RUSC2: variants seen among roughly 807,000 people sequenced by gnomAD.
RUSC2 encodes AP-4 complex accessory subunit RUSC2.
In RUSC2, 34 loss-of-function variants were observed where a neutral mutation model predicts 122.2. That is an observed-to-expected ratio of 0.28 (90% confidence interval 0.21 to 0.37). The LOEUF (loss-of-function observed/expected upper bound fraction) is 0.37, where lower values mean the gene tolerates loss of function less well. Among genes scored for constraint, RUSC2 ranks in the 10% least tolerant of loss-of-function variants. The probability of loss-of-function intolerance (pLI) is 1.00; values close to 1 mark genes in which losing one functional copy is unlikely to be tolerated. For missense variants in RUSC2, 1,747 were observed against 1,952.4 expected (o/e 0.89, Z 1.98); for synonymous variants, 784 against 790.0 (o/e 0.99, Z 0.13).
intron 1 of RUSC2, among the ~76,000 whole-genome samples, chr9:35,527,558 C>T (rs546291916): frequency 6.6e-6 from 1 of 152,144 alleles, no homozygotes; most frequent in Non-Finnish European, 1.5e-5. Context: ...CATTGCCACT[C>T]GCTTACCTTT....
At chr9:35,516,870 G>A (rs1286255439) in intron 1 of RUSC2, among the ~76,000 whole-genome samples, 1 of 152,118 alleles carries the variant, frequency 6.6e-6, no homozygotes, top group Admixed American at 6.5e-5. Flanking sequence ...GTTGTTGTTT[G>A]TTTTTTTAAA....
chr9:35,523,288 C>T (rs528356051), intron 1 of RUSC2, among the ~76,000 whole-genome samples: 3 of 152,280 alleles, frequency 2.0e-5, no homozygotes, highest in African/African-American at 7.2e-5. Context: ...AAAGCAGCCA[C>T]ATTCAAATAA....
intron 1 of RUSC2, among the ~76,000 whole-genome samples, chr9:35,493,623 C>T (rs184467029): frequency 8.5e-5 from 13 of 152,274 alleles, no homozygotes; most frequent in Admixed American, 8.5e-4. Flanking sequence ...ATGCCTCAGC[C>T]TCCTGAGTAG....
intron 1 of RUSC2, among the ~76,000 whole-genome samples, chr9:35,515,247 C>T (rs761417680): frequency 6.6e-6 from 1 of 152,144 alleles, no homozygotes; most frequent in Non-Finnish European, 1.5e-5. Flanking sequence ...AAAGAGTAAA[C>T]AAGTGTTAGC....
At position 35,505,020 on chromosome 9, in the gene RUSC2, T is replaced by C. The variant is rs185810225; in HGVS notation, c.-93+14848T>C. Reference sequence around the variant, plus strand: ...CTTATAGTTAGTTAACAATATGTGCTGTACACTTAAACAGTTGTTATGAAG... The same window carrying C: ...CTTATAGTTAGTTAACAATATGTGCCGTACACTTAAACAGTTGTTATGAAG... On this transcript the variant is annotated intron_variant, in intron 1 of 11. Transcript: ENST00000361226. Among the ~76,000 whole-genome samples the C allele has an allele frequency of 2.0e-5, 3 of 152,362 alleles. No individual in the cohort carries two copies. The East Asian group carries it at 5.8e-4, about 29-fold the overall frequency.
At chr9:35,544,082 G>A (rs944557171) in intron 1 of RUSC2, among the ~76,000 whole-genome samples, 6 of 152,050 alleles carry the variant, frequency 3.9e-5, no homozygotes, top group Non-Finnish European at 7.3e-5. Context: ...ATGTTTCAGG[G>A]TTCCAGTTTC....
Position 35,548,581 on chromosome 9 carries a change from G to A in RUSC2, c.2014+46G>A. On this transcript the variant is annotated intron_variant, in intron 2 of 11. Transcript: ENST00000361226. This position sits in a 1 kb window ranked among gnomAD's most constrained non-coding sequence, Gnocchi z 4.5. ...CAAATATGTGGCTATTCACCAGCAG[G>A]ATATGCATGGCCACCTCCCTGACAG... is the stretch of plus-strand genomic sequence containing the variant. 2 of 1,532,548 alleles carry A rather than the reference G, an allele frequency of 1.3e-6. No individual in the cohort carries two copies. Among genetic ancestry groups the A allele is most frequent in the African/African-American group, 1.4e-5 (1 of 73,164 alleles). 94.9% of individuals were successfully genotyped at this position (1,532,548 alleles called of 1,614,324 possible).
chr9:35,560,557 C>CAGG lies in RUSC2; in HGVS notation c.3921_3923dup (p.Gly1310dup). ...AGCAGCAGCGAGAAAAAGAAAGGGGCAGGAGGTGGGGGACCTCCCCAGGCT... is the reference window on the plus strand; with the variant it reads ...AGCAGCAGCGAGAAAAAGAAAGGGGCAGGAGGAGGTGGGGGACCTCCCCAGGCT... On this transcript the variant is annotated inframe_insertion, in exon 10 of 12. Transcript: ENST00000361226. 1 of 1,614,102 alleles carries CAGG rather than the reference C, an allele frequency of 6.2e-7. No individual in the cohort carries two copies. The highest frequency in any genetic ancestry group is 8.5e-7 in the Non-Finnish European group (1 of 1,180,008).
intron 11 of RUSC2, 27 bp downstream of exon 11, chr9:35,561,124 AG>A (rs751251114): frequency 6.2e-7 from 1 of 1,613,480 alleles, no homozygotes; most frequent in South Asian, 1.1e-5. Flanking sequence ...GGAAGGGCTG[AG>A]GGGGGCGGGG....
chr9:35,532,287 A>C (rs1196904367), intron 1 of RUSC2, among the ~76,000 whole-genome samples: 1 of 152,244 alleles, frequency 6.6e-6, no homozygotes, highest in African/African-American at 2.4e-5. Context: ...AGATTTGGAA[A>C]TCAACGGCAA....
intron 1 of RUSC2, among the ~76,000 whole-genome samples, chr9:35,518,419 CTACATCTATT>C (rs1821150043): frequency 2.0e-5 from 3 of 152,284 alleles, no homozygotes; most frequent in African/African-American, 7.2e-5. Flanking sequence ...GTAAGCTAGT[CTACATCTATT>C]TACATCAGCT....
chr9:35,516,435 T>C (rs1236879060), intron 1 of RUSC2, among the ~76,000 whole-genome samples: 1 of 151,896 alleles, frequency 6.6e-6, no homozygotes, highest in Non-Finnish European at 1.5e-5. Context: ...ATTTGGAACT[T>C]GGGGGAAAGA....
intron 1 of RUSC2, among the ~76,000 whole-genome samples, chr9:35,529,851 T>C (rs749142327): frequency 6.6e-6 from 1 of 152,184 alleles, no homozygotes; most frequent in African/African-American, 2.4e-5. Flanking sequence ...TTCCTTACCT[T>C]CTTCTTCTTC....
chr9:35,519,478 G>A (rs1291121431), intron 1 of RUSC2, among the ~76,000 whole-genome samples: 3 of 152,174 alleles, frequency 2.0e-5, no homozygotes, highest in African/African-American at 4.8e-5. Flanking sequence ...TAACACTGGC[G>A]GTGGATTAGT....
At chr9:35,514,046 C>T (rs1821059929) in intron 1 of RUSC2, among the ~76,000 whole-genome samples, 7 of 151,378 alleles carry the variant, frequency 4.6e-5, no homozygotes, top group Admixed American at 4.6e-4. Flanking sequence ...TGGCTGCTCT[C>T]TTGAAAATTT....
Position 35,555,288 on chromosome 9 carries a change from G to A in RUSC2, c.2243G>A (p.Gly748Glu), listed in dbSNP as rs1459383683. The A allele has an allele frequency of 2.5e-6, 4 of 1,613,724 alleles. No individual in the cohort carries two copies. The Admixed American group carries it at 5.0e-5, about 20-fold the overall frequency. The stretch of plus-strand genomic sequence containing the variant: ...CAAGTCTCAGTCCCAGCTCCCTCAG[G>A]GGAACCGCAGGCATCCACTCCCCGA... ...AAQVSVPAPS[G>E]EPQASTPRAT... Residue 748 changes from glycine (G) to glutamate (E), a missense_variant, in exon 3 of 12, where the codon GGG (glycine) becomes GAG (glutamate). Transcript: ENST00000361226. The surrounding 1 kb of genome is among the most constrained non-coding windows in gnomAD (Gnocchi z 4.6).
rs751304554 is a variant in RUSC2 at position 35,547,141 on chromosome 9, G to A, written c.620G>A (p.Gly207Glu). The change falls in exon 2 of 12, where the codon GGA (glycine) becomes GAA (glutamate). Residue 207 changes from glycine (G) to glutamate (E), a missense_variant. Transcript: ENST00000361226. This position sits in a 1 kb window ranked among gnomAD's most constrained non-coding sequence, Gnocchi z 4.6. Reference sequence around the variant, plus strand: ...ACTATGGAGCTGGATGAGTGTGGGGGACCTGGTGGGAGTGGCAGTGGGGGT... The same window carrying A: ...ACTATGGAGCTGGATGAGTGTGGGGAACCTGGTGGGAGTGGCAGTGGGGGT... ...AETMELDECGGPGGSGSGGGA... is the reference protein window; with the variant it reads ...AETMELDECGEPGGSGSGGGA... 6.2e-7 allele frequency: 1 copy of A among 1,614,196 alleles called. No individual in the cohort carries two copies. The highest frequency in any genetic ancestry group is 8.5e-7 in the Non-Finnish European group (1 of 1,180,036).
At chr9:35,495,061 A>G (rs1270828970) in intron 1 of RUSC2, among the ~76,000 whole-genome samples, 2 of 73,052 alleles carry the variant, frequency 2.7e-5, no homozygotes, top group Non-Finnish European at 4.9e-5. Flanking sequence ...AATATATACT[A>G]TAGTATATAT....
At chr9:35,511,223 G>A (rs1821005443) in intron 1 of RUSC2, among the ~76,000 whole-genome samples, 2 of 152,170 alleles carry the variant, frequency 1.3e-5, no homozygotes, top group South Asian at 4.1e-4. Flanking sequence ...CTACTCAGCA[G>A]TCCCTATTGG....
Sources: gnomAD v4.1 joint callset for allele counts (sites outside exome capture counted in the v4.1 genomes callset) on GRCh38, gnomAD v4.1.1 for gene constraint, Gnocchi (gnomAD v3.1) non-coding constraint, MANE v1.5 for transcripts, NCBI Gene and HGNC (gene_info 2026-07-23, HGNC 2026-07-21) for gene names.